Variants in UBAP1L observed in about 807,000 individuals in gnomAD.
The protein encoded by UBAP1L is ubiquitin associated protein 1 like.
Under a neutral mutation model 32.1 loss-of-function variants are expected in UBAP1L, and 32 were observed. The observed-to-expected ratio is 1.00, with a 90% CI of 0.75 to 1.34. UBAP1L has a LOEUF of 1.34. UBAP1L is among the 40% of genes most tolerant of loss of function. The probability of loss-of-function intolerance (pLI) is 0.00; values close to 1 mark genes in which losing one functional copy is unlikely to be tolerated. For missense variants in UBAP1L, 516 were observed against 540.5 expected, an observed-to-expected ratio of 0.95 and a Z score of 0.45; for synonymous variants, 243 against 250.2, an observed-to-expected ratio of 0.97 and a Z score of 0.27.
At position 65,099,494 on chromosome 15, in the gene UBAP1L, C is replaced by T; in HGVS notation, c.909+11G>A. ...CATCACAGCTCATCAGCTCTGGGTC[C>T]CCCAACTCACCTGGCTCAGGCTCTG... On this transcript the variant is annotated intron_variant, in intron 4 of 5. Coordinates refer to ENST00000559089, the MANE Select transcript of UBAP1L (RefSeq NM_001163692.2). 6.5e-7 allele frequency: 1 copy of T among 1,549,114 alleles called. No individual in the cohort carries two copies.
At chr15:65,098,023 T>C (rs2087197213) in intron 4 of UBAP1L, 1 of 152,226 alleles carries the variant, frequency 6.6e-6, no homozygotes, top group Non-Finnish European at 1.5e-5. Context: ...AGAGTCCCGA[T>C]GTTTAGAAAA....
At chr15:65,099,965 T>C (rs1387039365) in intron 3 of UBAP1L, 2 of 352,902 alleles carry the variant, frequency 5.7e-6, no homozygotes, top group Non-Finnish European at 1.0e-5. Flanking sequence ...TGTGAGGGAC[T>C]GGGCGCGGTG....
chr15:65,106,366 A>G lies in UBAP1L; in HGVS notation c.-151T>C. 1.1e-6 allele frequency: 1 copy of G among 905,198 alleles called. No homozygotes were observed. The highest frequency in any genetic ancestry group is 1.6e-6 in the Non-Finnish European group (1 of 637,670). The allele number at this position is 905,198 out of a possible 1,614,324, so 56.1% of individuals were successfully genotyped here. Reference sequence around the variant, plus strand: ...TTAGCTGAGCCCCAAACAGCTGGAAAGGAAAAGGTGAGGGGGCCAGTGCTG... The same window carrying G: ...TTAGCTGAGCCCCAAACAGCTGGAAGGGAAAAGGTGAGGGGGCCAGTGCTG... On this transcript the variant is annotated 5_prime_UTR_variant, in exon 2 of 6. Transcript: ENST00000559089.
chr15:65,094,913 GCAATT>G lies in UBAP1L; in HGVS notation c.910-342_910-338del, dbSNP rs1452431537. 2 of 361,660 alleles carry G rather than the reference GCAATT, an allele frequency of 5.5e-6. No individual in the cohort carries two copies. The highest frequency in any genetic ancestry group is 4.2e-5 in the African/African-American group (2 of 47,832). 22.4% of individuals were successfully genotyped at this position (361,660 alleles called of 1,614,324 possible). A position where few individuals can be genotyped will look rare whatever the true frequency, so the allele number is the denominator to read the frequency against. On this transcript the variant is annotated intron_variant, in intron 4 of 5. Coordinates refer to ENST00000559089, the MANE Select transcript of UBAP1L (RefSeq NM_001163692.2). The surrounding 1 kb of genome is among the most constrained non-coding windows in gnomAD (Gnocchi z 4.2). ...ACAGACATCCCACCTACCACCCAAC[GCAATT>G]CAACATTCATGCACCACCCACCCCT...
chr15:65,102,586 G>C lies in UBAP1L; in HGVS notation c.219C>G (p.Ala73=). Reference sequence around the variant, plus strand: ...TGACTAGCAAGAGCCAGGCTGGAGGGGCTGACGCTGTCCCCGGGTCACCGC... The same window carrying C: ...TGACTAGCAAGAGCCAGGCTGGAGGCGCTGACGCTGTCCCCGGGTCACCGC... ...YQCGDPGTAS[A]PPAWLLLVSP... is the part of the protein sequence containing the mutation. The change falls in exon 3 of 6, where the codon GCC becomes GCG. Residue 73 remains alanine (A), a synonymous_variant. Coordinates refer to ENST00000559089, the MANE Select transcript of UBAP1L (RefSeq NM_001163692.2). This position sits in a 1 kb window ranked among gnomAD's most constrained non-coding sequence, Gnocchi z 5.0. 6.5e-7 allele frequency: 1 copy of C among 1,547,650 alleles called. No homozygotes were observed. The highest frequency in any genetic ancestry group is 8.7e-7 in the Non-Finnish European group (1 of 1,145,828).
chr15:65,105,967 T>C (rs536984445), intron 2 of UBAP1L, 129 bp downstream of exon 2: 104 of 1,330,100 alleles, frequency 7.8e-5, no homozygotes, highest in Non-Finnish European at 1.0e-4. Context: ...ATTTTTTGTA[T>C]TGTTAGTAGA....
At position 65,094,452 on chromosome 15, in the gene UBAP1L, C is replaced by A; in HGVS notation, c.1011+23G>T. On this transcript the variant is annotated intron_variant, in intron 5 of 5. Transcript: ENST00000559089. The surrounding 1 kb of genome is among the most constrained non-coding windows in gnomAD (Gnocchi z 4.2). ...CCCCCATCCCTTCCATCCCCTGGGG[C>A]CCTGGCAGGAAGCCCTGCTGACCTG... is the stretch of plus-strand genomic sequence containing the variant. 1 of 1,526,108 alleles carries A rather than the reference C, an allele frequency of 6.6e-7. No homozygotes were observed. 94.5% of individuals were successfully genotyped at this position (1,526,108 alleles called of 1,614,324 possible). A position where few individuals can be genotyped will look rare whatever the true frequency, so the allele number is the denominator to read the frequency against.
At chr15:65,097,678 C>T (rs2087192023) in intron 4 of UBAP1L, 1 of 152,138 alleles carries the variant, frequency 6.6e-6, no homozygotes, top group South Asian at 2.1e-4. Context: ...ATGTTAGCAC[C>T]CCTCCCTGCC....
rs1288504187 is a variant in UBAP1L, at chr15:65,106,283, G to A, written c.-68C>T. On this transcript the variant is annotated 5_prime_UTR_variant, in exon 2 of 6. Transcript: ENST00000559089. ...TGCTTGATGGCAGGGAGAGAGAGTC[G>A]AGTCCTGAGGACCAGGCTCAGGCCT... 7.4e-6 allele frequency: 11 copies of A among 1,478,878 alleles called. No individual in the cohort carries two copies. The South Asian group carries it at 1.1e-4, about 15-fold the overall frequency. 91.6% of individuals were successfully genotyped at this position (1,478,878 alleles called of 1,614,324 possible). A position where few individuals can be genotyped will look rare whatever the true frequency, so the allele number is the denominator to read the frequency against.
At chr15:65,099,168 C>T in intron 4 of UBAP1L, 1 of 284,992 alleles carries the variant, frequency 3.5e-6, no homozygotes, top group South Asian at 4.9e-5. Context: ...GTTCCATCCA[C>T]ACACCCTTTC....
chr15:65,106,112 A>T lies in UBAP1L; in HGVS notation c.104T>A (p.Val35Asp), dbSNP rs1158949981. The change falls in exon 2 of 6, where the codon GTT becomes GAT. Residue 35 changes from valine to aspartate, a missense_variant. By Grantham distance (152) the Val-to-Asp change is radical. Transcript: ENST00000559089. The part of the protein sequence containing the change: ...PELSVPACGE[V>D]LLGSMHDFSL... ...CACACTTACCATAGAACCCAGCAGA[A>T]CTTCCCCGCAGGCCGGGACGCTGAG... 4.5e-6 allele frequency: 7 copies of T among 1,551,280 alleles called. No individual in the cohort carries two copies. The South Asian group carries it at 8.3e-5, about 18-fold the overall frequency.
Position 65,099,241 on chromosome 15 carries a change from C to T in UBAP1L, c.909+264G>A. The T allele has an allele frequency of 6.4e-6, 3 of 466,282 alleles. No individual in the cohort carries two copies. In the South Asian group the frequency reaches 8.0e-5, roughly 12 times the overall value. 28.9% of individuals were successfully genotyped at this position (466,282 alleles called of 1,614,324 possible). On this transcript the variant is annotated intron_variant, in intron 4 of 5. Transcript: ENST00000559089. ...GGAGACACTCTTCAGTTGTCTGCCC[C>T]TTCAGGGATTACCTTAACTGCAGAG...
In UBAP1L at chr15:65,106,138, T is replaced by A. The variant is rs532115113; in HGVS notation, c.78A>T (p.Glu26Asp). 1 of 1,550,978 alleles carries A rather than the reference T, an allele frequency of 6.4e-7. No homozygotes were observed. Among genetic ancestry groups the A allele is most frequent in the African/African-American group, 1.4e-5 (1 of 73,088 alleles). The change falls in exon 2 of 6, where the codon GAA becomes GAT. Residue 26 changes from glutamate (E) to aspartate (D), a missense_variant. Glu to Asp is a conservative substitution (Grantham distance 45). Transcript: ENST00000559089. ...VIGTEPLPGP[E>D]LSVPACGEVL... ...CTTCCCCGCAGGCCGGGACGCTGAG[T>A]TCTGGCCCAGGGAGAGGCTCTGTGC...
At chr15:65,104,113 A>C (rs1364040647) in intron 2 of UBAP1L, among the ~76,000 whole-genome samples, 3 of 152,088 alleles carry the variant, frequency 2.0e-5, no homozygotes, top group Non-Finnish European at 4.4e-5. Flanking sequence ...TTAACTGGGC[A>C]TGGTGGCACA....
chr15:65,102,284 AG>A lies in UBAP1L; in HGVS notation c.520del (p.Leu174SerfsTer11). 1 of 1,370,716 alleles carries A rather than the reference AG, an allele frequency of 7.3e-7. No homozygotes were observed. The highest frequency in any genetic ancestry group is 9.3e-7 in the Non-Finnish European group (1 of 1,070,148). The allele number at this position is 1,370,716 out of a possible 1,614,324, so 84.9% of individuals were successfully genotyped here. On this transcript the variant is annotated frameshift_variant, in exon 3 of 6. Transcript: ENST00000559089. LOFTEE classifies it high-confidence loss of function. This position sits in a 1 kb window ranked among gnomAD's most constrained non-coding sequence, Gnocchi z 5.0. ...GCGGTGGCCGCGGAGGCCATGCAGG[AG>A]GGCGCGGGGCCGGGAGACCAGCTTC... ...EGKLVSRPRA[L>X]LHGLRGHRAL...
rs1240796067 is a variant in UBAP1L, at chr15:65,106,271, GGA to G, written c.-58_-57del. The stretch of plus-strand genomic sequence containing the variant: ...GCTGGGGCAGGCTGCTTGATGGCAG[GGA>G]GAGAGAGTCGAGTCCTGAGGACCAG... On this transcript the variant is annotated 5_prime_UTR_variant, in exon 2 of 6. Transcript: ENST00000559089. The G allele has an allele frequency of 1.3e-6, 2 of 1,502,286 alleles. No homozygotes were observed. The highest frequency in any genetic ancestry group is 1.3e-5 in the South Asian group (1 of 76,542). 93.1% of individuals were successfully genotyped at this position (1,502,286 alleles called of 1,614,324 possible). A position where few individuals can be genotyped will look rare whatever the true frequency, so the allele number is the denominator to read the frequency against.
At position 65,102,582 on chromosome 15, in the gene UBAP1L, G is replaced by T; in HGVS notation, c.223C>A (p.Pro75Thr). The T allele has an allele frequency of 6.5e-7, 1 of 1,546,340 alleles. No individual in the cohort carries two copies. The highest frequency in any genetic ancestry group is 8.7e-7 in the Non-Finnish European group (1 of 1,145,288). The part of the protein sequence containing the change: ...CGDPGTASAP[P>T]AWLLLVSPEH... ...GGGCTGACTAGCAAGAGCCAGGCTG[G>T]AGGGGCTGACGCTGTCCCCGGGTCA... The change falls in exon 3 of 6, where the codon CCA (proline) becomes ACA (threonine). Residue 75 changes from proline to threonine, a missense_variant. Pro to Thr is a conservative substitution (Grantham distance 38). Coordinates refer to ENST00000559089, the MANE Select transcript of UBAP1L (RefSeq NM_001163692.2). This position sits in a 1 kb window ranked among gnomAD's most constrained non-coding sequence, Gnocchi z 5.0.
intron 1 of UBAP1L, among the ~76,000 whole-genome samples, chr15:65,108,137 A>G (rs1186294201): frequency 6.6e-6 from 1 of 152,212 alleles, no homozygotes; most frequent in Non-Finnish European, 1.5e-5. Flanking sequence ...AAGACTTACA[A>G]AGAGACCAAC....
intron 1 of UBAP1L, among the ~76,000 whole-genome samples, chr15:65,114,141 C>T (rs1238084079): frequency 1.3e-5 from 2 of 151,460 alleles, no homozygotes; most frequent in Admixed American, 6.6e-5. Context: ...GCCTTGGGCT[C>T]GCAAAGTGCT....
Sources: allele counts gnomAD v4.1 joint callset (sites outside exome capture counted in the v4.1 genomes callset), GRCh38; gene constraint gnomAD v4.1.1; non-coding constraint Gnocchi (gnomAD v3.1); transcripts MANE v1.5; gene names NCBI Gene and HGNC (gene_info 2026-07-23, HGNC 2026-07-21).